CEP120: variants seen among roughly 807,000 people sequenced by gnomAD.
The protein encoded by CEP120 is centrosomal protein 120.
In CEP120, 113 loss-of-function variants were observed where a neutral mutation model predicts 126.5. The observed-to-expected ratio is 0.89, with a 90% CI of 0.77 to 1.04. The LOEUF is 1.04. CEP120 is among the 50% of genes least tolerant of loss of function. CEP120 has a pLI of 0.00. For missense variants in CEP120, 1,230 were observed against 1,155.7 expected (o/e 1.06, Z -0.93); for synonymous variants, 400 against 394.3 (o/e 1.01, Z -0.17).
At chr5:123,410,111 C>A (rs190860459) in intron 4 of CEP120, among the ~76,000 whole-genome samples, 5 of 151,812 alleles carry the variant, frequency 3.3e-5, no homozygotes, top group African/African-American at 1.2e-4. Flanking sequence ...TACATGAACA[C>A]CCCCAAAAAT....
intron 17 of CEP120, among the ~76,000 whole-genome samples, chr5:123,371,007 A>T (rs140275290): frequency 6.6e-6 from 1 of 151,956 alleles, no homozygotes; most frequent in Non-Finnish European, 1.5e-5. Context: ...TTTGCTTACC[A>T]GATAAAATTT....
intron 9 of CEP120, 143 bp from the exon 10 acceptor site, chr5:123,386,810 A>G (rs534041621): frequency 1.5e-5 from 9 of 591,152 alleles, no homozygotes; most frequent in Non-Finnish European, 1.8e-5. Flanking sequence ...AGACATAGCA[A>G]TCTGTCATCT....
chr5:123,411,060 A>G (rs1580735874), intron 4 of CEP120, among the ~76,000 whole-genome samples: 1 of 152,248 alleles, frequency 6.6e-6, no homozygotes, highest in Admixed American at 6.5e-5. Context: ...CACACATGGT[A>G]GGTAAGCATA....
At chr5:123,353,143 T>C (rs1769317140) in intron 18 of CEP120, among the ~76,000 whole-genome samples, 1 of 151,966 alleles carries the variant, frequency 6.6e-6, no homozygotes, top group Non-Finnish European at 1.5e-5. Context: ...ACACCTCTAA[T>C]ACAATGTTGA....
Position 123,377,234 on chromosome 5 carries a change from T to A in CEP120, c.2358+140A>T, listed in dbSNP as rs530328207. The stretch of plus-strand genomic sequence containing the variant: ...GAAAAAGATCCAACTTAAAGTATAT[T>A]TGAATCTCAGTGCAATAATATGATT... On this transcript the variant is annotated intron_variant, in intron 16 of 19. Coordinates refer to ENST00000306467, the MANE Select transcript of CEP120 (RefSeq NM_001375405.1). 41 of 745,330 alleles carry A rather than the reference T, an allele frequency of 5.5e-5. 1 individual carries two copies. The African/African-American group carries it at 5.6e-4, about 10-fold the overall frequency. The allele number at this position is 745,330 out of a possible 1,614,324, so 46.2% of individuals were successfully genotyped here.
intron 4 of CEP120, among the ~76,000 whole-genome samples, chr5:123,405,196 C>A (rs997809683): frequency 1.3e-5 from 2 of 152,144 alleles, no homozygotes; most frequent in African/African-American, 4.8e-5. Flanking sequence ...ACAGAAAGAG[C>A]CAATGCAGTA....
intron 18 of CEP120, among the ~76,000 whole-genome samples, chr5:123,357,259 C>T (rs1338718328): frequency 6.6e-6 from 1 of 152,048 alleles, no homozygotes; most frequent in Non-Finnish European, 1.5e-5. Flanking sequence ...TCTAGGTAGG[C>T]TTACTTTGTA....
intron 14 of CEP120, among the ~76,000 whole-genome samples, chr5:123,381,199 G>A (rs1483763439): frequency 6.6e-6 from 1 of 152,104 alleles, no homozygotes. Context: ...TCCCTAAAAG[G>A]TGAGAAATAA....
intron 17 of CEP120, among the ~76,000 whole-genome samples, chr5:123,371,534 G>A (rs1048993483): frequency 1.3e-5 from 2 of 152,020 alleles, no homozygotes; most frequent in Non-Finnish European, 2.9e-5. Flanking sequence ...TGAGATTTGG[G>A]TGGGGACACA....
At chr5:123,409,353 G>T (rs1479058744) in intron 4 of CEP120, among the ~76,000 whole-genome samples, 1 of 152,130 alleles carries the variant, frequency 6.6e-6, no homozygotes, top group African/African-American at 2.4e-5. Context: ...AAGCATTCAA[G>T]ATCAGGTACA....
chr5:123,355,922 A>G (rs2126980740), intron 18 of CEP120, among the ~76,000 whole-genome samples: 1 of 150,436 alleles, frequency 6.6e-6, no homozygotes, highest in Non-Finnish European at 1.5e-5. Flanking sequence ...TCTAACATGT[A>G]AGTCTTTAAT....
chr5:123,407,153 AAG>A (rs1773747668), intron 4 of CEP120, among the ~76,000 whole-genome samples: 1 of 151,840 alleles, frequency 6.6e-6, no homozygotes, highest in Non-Finnish European at 1.5e-5. Flanking sequence ...ATATGCAAGA[AAG>A]AGAAAATTAA....
At chr5:123,364,281 C>T (rs1231638952) in intron 18 of CEP120, among the ~76,000 whole-genome samples, 6 of 151,440 alleles carry the variant, frequency 4.0e-5, no homozygotes, top group Non-Finnish European at 8.9e-5. Context: ...AAAGGGATAG[C>T]TGGCAATTTT....
rs1771311440 is a variant in CEP120 at position 123,377,415 on chromosome 5, T to A, written c.2317A>T (p.Ile773Phe). 6.2e-7 allele frequency: 1 copy of A among 1,611,212 alleles called. No individual in the cohort carries two copies. Among genetic ancestry groups the A allele is most frequent in the Non-Finnish European group, 8.5e-7 (1 of 1,179,152 alleles). The change falls in exon 16 of 20, where the codon ATC (isoleucine) becomes TTC (phenylalanine). Residue 773 changes from isoleucine to phenylalanine, a missense_variant. Coordinates refer to ENST00000306467, the MANE Select transcript of CEP120 (RefSeq NM_001375405.1). The part of the protein sequence containing the change: ...IHQVELERLK[I>F]KQLEEDKHRL... ...TGTTTATCCTCTTCGAGCTGTTTGATTTTTAACCTTTCTAGTTCTACTTGG... is the reference window on the plus strand; with the variant it reads ...TGTTTATCCTCTTCGAGCTGTTTGAATTTTAACCTTTCTAGTTCTACTTGG...
chr5:123,365,969 C>T (rs943238338), intron 17 of CEP120, among the ~76,000 whole-genome samples: 13 of 151,268 alleles, frequency 8.6e-5, no homozygotes, highest in African/African-American at 2.9e-4. Flanking sequence ...TATATCTGTT[C>T]TGCCATAATT....
chr5:123,363,021 T>C (rs1770199012), intron 18 of CEP120, among the ~76,000 whole-genome samples: 1 of 151,646 alleles, frequency 6.6e-6, no homozygotes, highest in Admixed American at 6.6e-5. Context: ...GCATTCCTAC[T>C]GCTACTACTT....
intron 4 of CEP120, chr5:123,402,329 C>G (rs1396380710): frequency 7.0e-7 from 1 of 1,434,218 alleles, no homozygotes; most frequent in Non-Finnish European, 9.3e-7. Flanking sequence ...ACTTCTGGGT[C>G]CCCTAATGGA....
intron 17 of CEP120, among the ~76,000 whole-genome samples, chr5:123,371,648 G>T (rs986002466): frequency 6.6e-6 from 1 of 152,048 alleles, no homozygotes; most frequent in African/African-American, 2.4e-5. Context: ...GGAGAGAAGG[G>T]CTCTCTGATG....
In CEP120 at chr5:123,393,407, A is replaced by G; in HGVS notation, c.703T>C (p.Phe235Leu). The G allele has an allele frequency of 6.2e-7, 1 of 1,614,150 alleles. No individual in the cohort carries two copies. Among genetic ancestry groups the G allele is most frequent in the African/African-American group, 1.3e-5 (1 of 75,060 alleles). ...AAGTTTGGGTTGATTAAATCATTGA[A>G]GGGTTCATTTGTAACATCATTTCCC... is the stretch of plus-strand genomic sequence containing the variant. ...LLGNDVTNEP[F>L]NDLINPNFEP... Residue 235 changes from phenylalanine to leucine, a missense_variant, in exon 6 of 20, where the codon TTC becomes CTC. Transcript: ENST00000306467.
Sources: gnomAD v4.1 joint callset for allele counts (sites outside exome capture counted in the v4.1 genomes callset) on GRCh38, gnomAD v4.1.1 for gene constraint, MANE v1.5 for transcripts, NCBI Gene and HGNC (gene_info 2026-07-23, HGNC 2026-07-21) for gene names.